The following NYAP2 variants were observed in gnomAD, a reference collection of about 807,000 sequenced individuals.
NYAP2 encodes the protein neuronal tyrosine-phosphorylated phosphoinositide-3-kinase adaptor 2, also known as neuronal tyrosine-phosphorylated phosphoinositide-3-kinase adapter 2.
NYAP2 carries 23 observed loss-of-function variants against 50.4 expected under a neutral mutation model. The ratio of observed to expected loss-of-function variants is 0.46; its 90% CI spans 0.33 to 0.65. The LOEUF (loss-of-function observed/expected upper bound fraction) is 0.65, where lower values mean the gene tolerates loss of function less well. NYAP2 is among the 30% of genes least tolerant of loss of function. The probability of loss-of-function intolerance (pLI) is 0.02; values close to 1 mark genes in which losing one functional copy is unlikely to be tolerated. For synonymous variants in NYAP2, 394 were observed against 365.2 expected, an observed-to-expected ratio of 1.08 and a Z score of -0.90; for missense variants, 885 against 861.0, an observed-to-expected ratio of 1.03 and a Z score of -0.35.
chr2:225,610,822 A>G (rs555856204), intron 5 of NYAP2, among the ~76,000 whole-genome samples: 2 of 152,184 alleles, frequency 1.3e-5, no homozygotes, highest in Non-Finnish European at 1.5e-5. Flanking sequence ...TGAGCCTTCT[A>G]AACATGCACA....
rs1270555087 is a variant in NYAP2 at position 225,572,298 on chromosome 2, A to T, written c.524-9643A>T. On this transcript the variant is annotated intron_variant, in intron 4 of 6. Transcript: ENST00000636099. ...CCGCTATCCGTTACCAATTTACTGT[A>T]TTAATCTGTTCTCACACTGCTATAA... Among the ~76,000 whole-genome samples the T allele has an allele frequency of 3.3e-5, 5 of 152,214 alleles. No homozygotes were observed. The East Asian group carries it at 9.6e-4, about 29-fold the overall frequency.
At chr2:225,449,287 C>A (rs1421117390) in intron 3 of NYAP2, among the ~76,000 whole-genome samples, 1 of 152,170 alleles carries the variant, frequency 6.6e-6, no homozygotes, top group Non-Finnish European at 1.5e-5. Flanking sequence ...CTCACAAGTT[C>A]ATTCTGAAGC....
chr2:225,701,100 T>G, the NYAP2 span: 1 of 151,814 alleles, frequency 6.6e-6, no homozygotes, highest in Admixed American at 6.6e-5. Flanking sequence ...ACTCAAGAAC[T>G]GTTATTCTGT....
At chr2:225,571,883 TTTA>T (rs1692079469) in intron 4 of NYAP2, among the ~76,000 whole-genome samples, 1 of 152,204 alleles carries the variant, frequency 6.6e-6, no homozygotes, top group South Asian at 2.1e-4. Flanking sequence ...TTTCCAAACT[TTTA>T]TTCTCTACTT....
At chr2:225,661,769 G>A in the NYAP2 span, among the ~76,000 whole-genome samples, 2 of 151,072 alleles carry the variant, frequency 1.3e-5, no homozygotes, top group South Asian at 4.2e-4. Flanking sequence ...TGTCACCCAG[G>A]CCGGAGTGCA....
intron 3 of NYAP2, among the ~76,000 whole-genome samples, chr2:225,506,113 ATCCC>A (rs1690700231): frequency 6.6e-6 from 1 of 152,236 alleles, no homozygotes; most frequent in Non-Finnish European, 1.5e-5. Flanking sequence ...AGGAGAATGC[ATCCC>A]TGGGAAGCAA....
At chr2:225,661,478 G>T in the NYAP2 span, among the ~76,000 whole-genome samples, 4 of 152,136 alleles carry the variant, frequency 2.6e-5, no homozygotes, top group Non-Finnish European at 5.9e-5. Flanking sequence ...TTATGTGTTT[G>T]CCAGAGTGCT....
chr2:225,420,368 A>G lies in NYAP2; in HGVS notation c.221+11267A>G, dbSNP rs142158149. On this transcript the variant is annotated intron_variant, in intron 3 of 6. Transcript: ENST00000636099. The stretch of plus-strand genomic sequence containing the variant: ...TAAAGAGGGAAGGAAGTAATGAATT[A>G]TGAAGATAAAATGCCTACTTTATGT... Among the ~76,000 whole-genome samples, 610 of 152,308 alleles carry G rather than the reference A, an allele frequency of 4.0e-3. 9 individuals carry two copies. The highest frequency in any genetic ancestry group is 0.014 in the African/African-American group (586 of 41,578).
chr2:225,605,615 A>G (rs1692771902), intron 5 of NYAP2, among the ~76,000 whole-genome samples: 1 of 152,088 alleles, frequency 6.6e-6, no homozygotes, highest in African/African-American at 2.4e-5. Flanking sequence ...TAGATTTGGC[A>G]GCCAAGTTTT....
the NYAP2 span, among the ~76,000 whole-genome samples, chr2:225,669,369 A>G: frequency 6.6e-6 from 1 of 152,130 alleles, no homozygotes. Flanking sequence ...TACTACAAAT[A>G]AGACACCATT....
chr2:225,509,373 G>A (rs1222755757), intron 3 of NYAP2, among the ~76,000 whole-genome samples: 2 of 152,164 alleles, frequency 1.3e-5, no homozygotes, highest in Non-Finnish European at 2.9e-5. Flanking sequence ...ACCAGGATCA[G>A]GGATATCTTC....
At chr2:225,440,233 G>A (rs1689448214) in intron 3 of NYAP2, among the ~76,000 whole-genome samples, 1 of 152,218 alleles carries the variant, frequency 6.6e-6, no homozygotes, top group Admixed American at 6.5e-5. Context: ...TGCAGGCATG[G>A]AGATGCTAAT....
At chr2:225,565,479 A>G (rs933231192) in intron 4 of NYAP2, among the ~76,000 whole-genome samples, 1 of 152,186 alleles carries the variant, frequency 6.6e-6, no homozygotes, top group Non-Finnish European at 1.5e-5. Flanking sequence ...ATTTATTGGC[A>G]AAATCACTCA....
At chr2:225,409,213 A>C in intron 3 of NYAP2, 112 bp downstream of exon 3, 1 of 740,424 alleles carries the variant, frequency 1.4e-6, no homozygotes, top group South Asian at 1.9e-5. Flanking sequence ...AGTCAGTTAG[A>C]CTTGGTGAGA....
intron 5 of NYAP2, among the ~76,000 whole-genome samples, chr2:225,611,411 C>T (rs1327840524): frequency 6.6e-6 from 1 of 152,038 alleles, no homozygotes; most frequent in Non-Finnish European, 1.5e-5. Context: ...AGCTCTGTCT[C>T]TTCACCCTCA....
At chr2:225,671,271 G>T in the NYAP2 span, among the ~76,000 whole-genome samples, 1,032 of 152,024 alleles carry the variant, frequency 6.8e-3, 8 homozygotes, top group Non-Finnish European at 0.011. Flanking sequence ...CTCAAACCCT[G>T]ACACTGCTTT....
intron 3 of NYAP2, among the ~76,000 whole-genome samples, chr2:225,471,051 T>A (rs558481140): frequency 4.1e-4 from 63 of 152,310 alleles, no homozygotes; most frequent in South Asian, 1.9e-3. Context: ...TATGTTAAAG[T>A]AAAATTGAAG....
At chr2:225,458,438 T>G (rs1465708804) in intron 3 of NYAP2, among the ~76,000 whole-genome samples, 3 of 152,230 alleles carry the variant, frequency 2.0e-5, no homozygotes, top group African/African-American at 7.2e-5. Flanking sequence ...TGAATCAATG[T>G]TAGTATAGCT....
chr2:225,441,649 C>T (rs568368868), intron 3 of NYAP2, among the ~76,000 whole-genome samples: 1 of 151,998 alleles, frequency 6.6e-6, no homozygotes, highest in South Asian at 2.1e-4. Flanking sequence ...GGAATCTGCC[C>T]CTTTTAAGCC....
Sources: allele counts gnomAD v4.1 joint callset (sites outside exome capture counted in the v4.1 genomes callset), GRCh38; gene constraint gnomAD v4.1.1; transcripts MANE v1.5; gene names NCBI Gene and HGNC (gene_info 2026-07-23, HGNC 2026-07-21).